The following LRRC8D variants were observed in gnomAD, a reference collection of about 807,000 sequenced individuals.
The protein encoded by LRRC8D is volume-regulated anion channel subunit LRRC8D.
LRRC8D carries 20 observed loss-of-function variants against 55.8 expected under a neutral mutation model. The observed-to-expected ratio is 0.36, with a 90% CI of 0.25 to 0.52. The LOEUF is 0.52. LRRC8D is among the 20% of genes least tolerant of loss of function. The pLI is 0.93. For missense variants in LRRC8D, 651 were observed against 1,030.8 expected (o/e 0.63, Z 5.05); for synonymous variants, 352 against 377.0 (o/e 0.93, Z 0.77).
At chr1:89,834,000 C>G (rs1234174701) in intron 1 of LRRC8D, among the ~76,000 whole-genome samples, 3 of 152,182 alleles carry the variant, frequency 2.0e-5, no homozygotes, top group Non-Finnish European at 2.9e-5. Flanking sequence ...GGCAGCGACA[C>G]TGTGGCTGCA....
intron 1 of LRRC8D, chr1:89,822,057 T>C (rs1240044140): frequency 6.6e-6 from 1 of 152,308 alleles, no homozygotes; most frequent in African/African-American, 2.4e-5. Context: ...TACTGGAGGG[T>C]TGATAGGGGC....
intron 2 of LRRC8D, among the ~76,000 whole-genome samples, chr1:89,888,194 C>T (rs544686396): frequency 3.6e-4 from 55 of 152,178 alleles, no homozygotes; most frequent in Non-Finnish European, 5.3e-4. Flanking sequence ...AAAGGGTTAC[C>T]GACTTAAATA....
rs373567500 is a variant in LRRC8D, at chr1:89,905,274, T to A, written c.-2-27793T>A. ...AATATTTTTAATAGGGCTGTTTCTC[T>A]TTTGAATATATGTTAATTGTTTCCC... is the stretch of plus-strand genomic sequence containing the variant. On this transcript the variant is annotated intron_variant, in intron 2 of 2. Coordinates refer to ENST00000337338, the MANE Select transcript of LRRC8D (RefSeq NM_001134479.2). Among the ~76,000 whole-genome samples, 14 of 152,332 alleles carry A rather than the reference T, an allele frequency of 9.2e-5. 1 individual carries two copies. The highest frequency in any genetic ancestry group is 3.3e-4 in the Admixed American group (5 of 15,304).
chr1:89,828,269 G>A (rs1660809204), intron 1 of LRRC8D, among the ~76,000 whole-genome samples: 1 of 152,250 alleles, frequency 6.6e-6, no homozygotes, highest in Non-Finnish European at 1.5e-5. Flanking sequence ...GCCTCCATGA[G>A]ATAGTGCATC....
chr1:89,839,206 A>G (rs139484293), intron 1 of LRRC8D, among the ~76,000 whole-genome samples: 1 of 152,070 alleles, frequency 6.6e-6, no homozygotes, highest in African/African-American at 2.4e-5. Flanking sequence ...TAATAATGAC[A>G]CCTCCCTGCG....
At chr1:89,821,760 C>T (rs978850830) in intron 1 of LRRC8D, among the ~76,000 whole-genome samples, 1 of 152,028 alleles carries the variant, frequency 6.6e-6, no homozygotes, top group Non-Finnish European at 1.5e-5. Flanking sequence ...AATCGCCTCC[C>T]CTCCGCTTCC....
rs1359257059 is a variant in LRRC8D at position 89,936,509 on chromosome 1, A to G, written c.*864A>G. On this transcript the variant is annotated 3_prime_UTR_variant, in exon 3 of 3. Transcript: ENST00000337338. The stretch of plus-strand genomic sequence containing the variant: ...AAGATAACACAGAATCACAAGTATC[A>G]TTTAATTTCTTGCCCTTTTCAGTGT... 1 of 152,512 alleles carries G rather than the reference A, an allele frequency of 6.6e-6. No individual in the cohort carries two copies. Among genetic ancestry groups the G allele is most frequent in the Non-Finnish European group, 1.5e-5 (1 of 68,038 alleles). 9.4% of individuals were successfully genotyped at this position (152,512 alleles called of 1,614,324 possible).
chr1:89,928,535 T>C (rs1663624334), intron 2 of LRRC8D, among the ~76,000 whole-genome samples: 1 of 152,028 alleles, frequency 6.6e-6, no homozygotes, highest in South Asian at 2.1e-4. Context: ...GAGTAGACAA[T>C]GTGCTGGAAG....
At chr1:89,903,596 C>T (rs1487147137) in intron 2 of LRRC8D, among the ~76,000 whole-genome samples, 4 of 152,148 alleles carry the variant, frequency 2.6e-5, no homozygotes, top group Non-Finnish European at 5.9e-5. Context: ...CCTTAATCTA[C>T]AAGCAAACAT....
At chr1:89,857,498 T>C (rs1661590345) in intron 2 of LRRC8D, among the ~76,000 whole-genome samples, 1 of 152,184 alleles carries the variant, frequency 6.6e-6, no homozygotes, top group African/African-American at 2.4e-5. Flanking sequence ...GCAGGTATTT[T>C]ATAATCAGAA....
intron 1 of LRRC8D, chr1:89,843,376 G>T (rs879410542): frequency 1.3e-5 from 4 of 301,568 alleles, no homozygotes; most frequent in Non-Finnish European, 2.4e-5. Flanking sequence ...AAACGGAAGG[G>T]CTGTGAGCGA....
chr1:89,903,710 C>T (rs182718862), intron 2 of LRRC8D, among the ~76,000 whole-genome samples: 9 of 152,296 alleles, frequency 5.9e-5, no homozygotes, highest in African/African-American at 1.9e-4. Flanking sequence ...ATTACATCTG[C>T]TGCTTTACCA....
chr1:89,882,402 A>G (rs1307414703), intron 2 of LRRC8D, among the ~76,000 whole-genome samples: 1 of 152,268 alleles, frequency 6.6e-6, no homozygotes, highest in Admixed American at 6.5e-5. Flanking sequence ...TTAAAAATTA[A>G]TATGAGTCTA....
intron 1 of LRRC8D, among the ~76,000 whole-genome samples, chr1:89,838,679 C>T (rs1411541853): frequency 6.6e-6 from 1 of 152,110 alleles, no homozygotes; most frequent in African/African-American, 2.4e-5. Context: ...CCTAGTAAAT[C>T]CCAGTACATC....
chr1:89,885,249 A>T (rs910237185), intron 2 of LRRC8D, among the ~76,000 whole-genome samples: 1 of 152,188 alleles, frequency 6.6e-6, no homozygotes. Flanking sequence ...TTAACCTTAG[A>T]CATAGAATGA....
At chr1:89,847,675 T>G (rs934380777) in intron 2 of LRRC8D, among the ~76,000 whole-genome samples, 6 of 152,216 alleles carry the variant, frequency 3.9e-5, no homozygotes, top group African/African-American at 1.4e-4. Context: ...AAAAAATGCC[T>G]TCTTAGTCAA....
chr1:89,912,908 T>G (rs1465318491), intron 2 of LRRC8D, among the ~76,000 whole-genome samples: 3 of 152,180 alleles, frequency 2.0e-5, no homozygotes, highest in Admixed American at 2.0e-4. Context: ...AGTTGGAGGT[T>G]TTATTAATTA....
chr1:89,847,653 A>G (rs1335811593), intron 2 of LRRC8D, among the ~76,000 whole-genome samples: 1 of 152,204 alleles, frequency 6.6e-6, no homozygotes. Flanking sequence ...CCCTTCACGT[A>G]TATTATAAAG....
intron 2 of LRRC8D, among the ~76,000 whole-genome samples, chr1:89,906,346 C>T (rs535515232): frequency 1.3e-5 from 2 of 152,154 alleles, no homozygotes; most frequent in Non-Finnish European, 2.9e-5. Flanking sequence ...AACAGAAGCT[C>T]GAGCATCGCT....
Sources: gnomAD v4.1 joint callset for allele counts (sites outside exome capture counted in the v4.1 genomes callset) on GRCh38, gnomAD v4.1.1 for gene constraint, MANE v1.5 for transcripts, NCBI Gene and HGNC (gene_info 2026-07-23, HGNC 2026-07-21) for gene names.